KIAA1217: variants seen among roughly 807,000 people sequenced by gnomAD.
KIAA1217 encodes sickle tail protein homolog.
A neutral mutation model predicts 163.9 loss-of-function variants in KIAA1217; 88 were observed. The observed-to-expected ratio is 0.54, with a 90% confidence interval of 0.45 to 0.64. The LOEUF is 0.64. Ranked by LOEUF, KIAA1217 falls within the 30% of genes least tolerant of loss-of-function variation. KIAA1217 has a pLI of 0.00. For missense variants in KIAA1217, 2,372 were observed against 2,475.0 expected, an observed-to-expected ratio of 0.96 and a Z score of 0.88; for synonymous variants, 903 against 923.1, an observed-to-expected ratio of 0.98 and a Z score of 0.39.
intron 3 of KIAA1217, among the ~76,000 whole-genome samples, chr10:24,391,229 T>G (rs373927000): frequency 1.3e-5 from 2 of 151,992 alleles, no homozygotes; most frequent in African/African-American, 2.4e-5. Context: ...GGCACCATTA[T>G]TTTAGAGGGA....
At chr10:23,969,830 A>G (rs1254606176) in intron 1 of KIAA1217, among the ~76,000 whole-genome samples, 2 of 152,206 alleles carry the variant, frequency 1.3e-5, no homozygotes, top group African/African-American at 4.8e-5. Context: ...GCTGATAAAG[A>G]CATACCTGAG....
intron 6 of KIAA1217, among the ~76,000 whole-genome samples, chr10:24,488,476 G>A (rs1286181321): frequency 6.6e-6 from 1 of 152,196 alleles, no homozygotes; most frequent in East Asian, 1.9e-4. Flanking sequence ...GGCCCGGGGA[G>A]AAGAAATGGC....
At chr10:24,110,599 T>C (rs2062808717) in intron 2 of KIAA1217, among the ~76,000 whole-genome samples, 1 of 126,634 alleles carries the variant, frequency 7.9e-6, no homozygotes, top group Non-Finnish European at 1.5e-5. Context: ...TCTGTGGGCC[T>C]TAAAAAAAAA....
intron 2 of KIAA1217, among the ~76,000 whole-genome samples, chr10:24,335,145 C>T (rs2046181256): frequency 6.6e-6 from 1 of 152,088 alleles, no homozygotes; most frequent in Admixed American, 6.5e-5. Flanking sequence ...GGGAAAAAAG[C>T]CAGCCAGAGG....
intron 2 of KIAA1217, among the ~76,000 whole-genome samples, chr10:24,323,346 T>A (rs917536079): frequency 6.6e-5 from 10 of 152,320 alleles, no homozygotes; most frequent in East Asian, 5.8e-4. Context: ...CTATTTAATT[T>A]ATACGTATGT....
intron 6 of KIAA1217, among the ~76,000 whole-genome samples, chr10:24,491,275 TTTTTTTTTTCC>T (rs2066089406): frequency 1.6e-5 from 2 of 122,490 alleles, no homozygotes; most frequent in Non-Finnish European, 3.8e-5. Flanking sequence ...CTTTGTTTCT[TTTTTTTTTTCC>T]TTTTTTTTTT....
At chr10:24,347,858 T>C (rs1017977313) in intron 2 of KIAA1217, among the ~76,000 whole-genome samples, 5 of 152,180 alleles carry the variant, frequency 3.3e-5, no homozygotes, top group East Asian at 1.9e-4. Context: ...TACAAATACA[T>C]TGTGAAATGG....
At chr10:24,008,401 C>T in intron 2 of KIAA1217, among the ~76,000 whole-genome samples, 1 of 152,054 alleles carries the variant, frequency 6.6e-6, no homozygotes, top group Admixed American at 6.6e-5. Context: ...ACAGGAAGTT[C>T]GCTTAATGAT....
intron 2 of KIAA1217, among the ~76,000 whole-genome samples, chr10:24,165,600 G>C (rs1174934889): frequency 6.6e-6 from 1 of 152,154 alleles, no homozygotes; most frequent in Non-Finnish European, 1.5e-5. Context: ...CAGAGAAAAA[G>C]AGATTAGATT....
At chr10:23,945,268 T>G (rs10828579) in intron 1 of KIAA1217, among the ~76,000 whole-genome samples, 67,179 of 151,922 alleles carry the variant, frequency 0.44, 18,791 homozygotes, top group African/African-American at 0.8. Flanking sequence ...ACTGTGCTAT[T>G]TTCATAAAAT....
At chr10:23,845,744 C>G (rs570606340) in intron 1 of KIAA1217, among the ~76,000 whole-genome samples, 3 of 152,210 alleles carry the variant, frequency 2.0e-5, no homozygotes, top group South Asian at 4.1e-4. Context: ...AATTAGATAC[C>G]ATTTGTCAAT....
At chr10:23,817,179 C>T (rs1013399322) in intron 1 of KIAA1217, among the ~76,000 whole-genome samples, 2 of 151,834 alleles carry the variant, frequency 1.3e-5, no homozygotes, top group African/African-American at 4.8e-5. Context: ...TGGTACTTAC[C>T]TGGGAGGCTA....
intron 2 of KIAA1217, among the ~76,000 whole-genome samples, chr10:24,155,764 A>C (rs2064845290): frequency 6.6e-6 from 1 of 152,036 alleles, no homozygotes; most frequent in African/African-American, 2.4e-5. Flanking sequence ...TGGAAGTTGC[A>C]GTGAGCCAAG....
At chr10:24,006,920 C>T (rs1362362588) in intron 1 of KIAA1217, among the ~76,000 whole-genome samples, 4 of 152,184 alleles carry the variant, frequency 2.6e-5, no homozygotes, top group Non-Finnish European at 4.4e-5. Context: ...TTCCTTCCGC[C>T]CCCAACTACC....
At chr10:23,859,699 A>T (rs180895350) in intron 1 of KIAA1217, among the ~76,000 whole-genome samples, 65 of 152,322 alleles carry the variant, frequency 4.3e-4, no homozygotes, top group South Asian at 1.0e-3. Flanking sequence ...ACAAAGAATA[A>T]ATCAATGTGT....
At chr10:24,264,791 C>CAT (rs2076061527) in intron 2 of KIAA1217, among the ~76,000 whole-genome samples, 1 of 151,246 alleles carries the variant, frequency 6.6e-6, no homozygotes, top group African/African-American at 2.4e-5. Flanking sequence ...CTCTCTCTCT[C>CAT]TCTCTCTCTC....
At chr10:24,092,863 T>G (rs11013893) in intron 2 of KIAA1217, among the ~76,000 whole-genome samples, 31,050 of 151,212 alleles carry the variant, frequency 0.21, 6,670 homozygotes, top group African/African-American at 0.54. Flanking sequence ...AGAATCCATA[T>G]AACTCTACAG....
At chr10:24,200,045 C>T (rs183915269) in intron 2 of KIAA1217, among the ~76,000 whole-genome samples, 3 of 151,928 alleles carry the variant, frequency 2.0e-5, no homozygotes, top group Admixed American at 6.6e-5. Context: ...GTCCTTCCCC[C>T]CCATGCACCC....
At chr10:23,719,320 C>T (rs773985993) in intron 1 of KIAA1217, among the ~76,000 whole-genome samples, 7 of 152,212 alleles carry the variant, frequency 4.6e-5, no homozygotes, top group South Asian at 2.1e-4. Context: ...GTGGCTCATG[C>T]CTGTAATCCC....
Sources: allele counts gnomAD v4.1 joint callset (sites outside exome capture counted in the v4.1 genomes callset), GRCh38; gene constraint gnomAD v4.1.1; transcripts MANE v1.5; gene names NCBI Gene and HGNC (gene_info 2026-07-23, HGNC 2026-07-21).